The following SPAG6 variants were observed in gnomAD, a reference collection of about 807,000 sequenced individuals.
SPAG6 encodes sperm-associated antigen 6.
SPAG6 carries 49 observed loss-of-function variants against 58.5 expected under a neutral mutation model. The observed-to-expected ratio is 0.84, with a 90% CI of 0.67 to 1.06. The LOEUF is 1.06. Among genes scored for constraint, SPAG6 ranks in the 50% least tolerant of loss-of-function variants. SPAG6 has a pLI of 0.00. For synonymous variants in SPAG6, 233 were observed against 225.6 expected, an observed-to-expected ratio of 1.03 and a Z score of -0.29; for missense variants, 560 against 611.3, an observed-to-expected ratio of 0.92 and a Z score of 0.89.
chr10:22,386,827 T>C lies in SPAG6; in HGVS notation c.546T>C (p.Ala182=), dbSNP rs1327092057. The C allele has an allele frequency of 6.2e-7, 1 of 1,613,606 alleles. No individual in the cohort carries two copies. Among genetic ancestry groups the C allele is most frequent in the East Asian group, 2.2e-5 (1 of 44,894 alleles). ...LVLCIQEPEI[A]LKRIAASALS... is the part of the protein sequence containing the mutation. Reference sequence around the variant, plus strand: ...TCTGTATCCAGGAGCCAGAAATTGCTTTGAAAAGGATTGCTGCTTCGGCCC... The same window carrying C: ...TCTGTATCCAGGAGCCAGAAATTGCCTTGAAAAGGATTGCTGCTTCGGCCC... Residue 182 remains alanine (A), a synonymous_variant, in exon 5 of 11, where the codon GCT becomes GCC. Coordinates refer to ENST00000376624, the MANE Select transcript of SPAG6 (RefSeq NM_012443.4).
chr10:22,357,716 T>C (rs1836906769), intron 2 of SPAG6, among the ~76,000 whole-genome samples: 1 of 147,698 alleles, frequency 6.8e-6, no homozygotes, highest in African/African-American at 2.5e-5. Flanking sequence ...GTATATCTCC[T>C]AAAGCTATCC....
chr10:22,346,490 C>CTTCTTCTTCT (rs1554776496), intron 2 of SPAG6, among the ~76,000 whole-genome samples: 249 of 135,576 alleles, frequency 1.8e-3, no homozygotes, highest in African/African-American at 8.1e-3. Context: ...TCTTCTTCTT[C>CTTCTTCTTCT]TTCTTCTTTC....
At chr10:22,411,006 C>A in intron 9 of SPAG6, 25 bp from the exon 10 acceptor site, 1 of 1,596,000 alleles carries the variant, frequency 6.3e-7, no homozygotes, top group Non-Finnish European at 8.5e-7. Flanking sequence ...GAAAAGCTGA[C>A]ATTTTATGTG....
chr10:22,411,113 C>G lies in SPAG6; in HGVS notation c.1397C>G (p.Pro466Arg), dbSNP rs1359558002. The G allele has an allele frequency of 6.2e-7, 1 of 1,613,846 alleles. No individual in the cohort carries two copies. The highest frequency in any genetic ancestry group is 1.3e-5 in the African/African-American group (1 of 74,922). The stretch of plus-strand genomic sequence containing the variant: ...AAAGTTCAAGAGATAAAAGCAGAAC[C>G]TGGTTCTCTCCTTCAAGAATACATC... ...LKKVQEIKAE[P>R]GSLLQEYINS... Residue 466 changes from proline to arginine, a missense_variant, in exon 10 of 11, where the codon CCT (proline) becomes CGT (arginine). By Grantham distance (103) the Pro-to-Arg change is moderately radical. Coordinates refer to ENST00000376624, the MANE Select transcript of SPAG6 (RefSeq NM_012443.4).
intron 10 of SPAG6, 78 bp downstream of exon 10, chr10:22,411,254 G>T (rs183131879): frequency 2.5e-5 from 31 of 1,217,678 alleles, no homozygotes; most frequent in South Asian, 8.1e-5. Flanking sequence ...TATATCCACT[G>T]TGTCAAAATG....
At chr10:22,359,089 A>G (rs74490174) in intron 2 of SPAG6, among the ~76,000 whole-genome samples, 27 of 152,332 alleles carry the variant, frequency 1.8e-4, no homozygotes, top group African/African-American at 5.3e-4. Flanking sequence ...ATGGACAGTC[A>G]TGTAACCTTC....
chr10:22,387,025 C>A, intron 5 of SPAG6, 66 bp downstream of exon 5: 1 of 1,199,066 alleles, frequency 8.3e-7, no homozygotes, highest in Non-Finnish European at 1.2e-6. Context: ...GAAATGTGTA[C>A]ACGTGAATAT....
At chr10:22,357,980 C>A (rs1291668269) in intron 2 of SPAG6, among the ~76,000 whole-genome samples, 2 of 152,082 alleles carry the variant, frequency 1.3e-5, no homozygotes, top group South Asian at 2.1e-4. Flanking sequence ...AATCCAGTCT[C>A]TCATTGTTGG....
intron 4 of SPAG6, among the ~76,000 whole-genome samples, chr10:22,375,675 T>C (rs1833800739): frequency 1.4e-5 from 2 of 138,010 alleles, no homozygotes; most frequent in Admixed American, 1.5e-4. Flanking sequence ...CCCTCCCAGG[T>C]TCAAGCGATT....
intron 8 of SPAG6, among the ~76,000 whole-genome samples, chr10:22,398,544 T>C (rs1269982133): frequency 6.6e-6 from 1 of 152,104 alleles, no homozygotes; most frequent in African/African-American, 2.4e-5. Context: ...ATGGGCAACA[T>C]AGTGAGACCC....
chr10:22,346,480 T>TCTTCTTCTC (rs1836547337), intron 2 of SPAG6, among the ~76,000 whole-genome samples: 1 of 139,794 alleles, frequency 7.2e-6, no homozygotes, highest in Non-Finnish European at 1.5e-5. Flanking sequence ...TTCTTCTTCT[T>TCTTCTTCTC]CTTCTTCTTC....
At chr10:22,352,998 T>C (rs550731934) in intron 2 of SPAG6, among the ~76,000 whole-genome samples, 1 of 152,234 alleles carries the variant, frequency 6.6e-6, no homozygotes, top group African/African-American at 2.4e-5. Flanking sequence ...CCTACATTTC[T>C]GATAAAATAT....
intron 10 of SPAG6, chr10:22,412,523 G>A: frequency 1.4e-6 from 2 of 1,462,614 alleles, no homozygotes; most frequent in East Asian, 5.0e-5. Flanking sequence ...AGTTCCAATA[G>A]GTAAGCTTTG....
intron 8 of SPAG6, 31 bp from the exon 9 acceptor site, chr10:22,401,130 C>A: frequency 2.0e-6 from 2 of 978,918 alleles, no homozygotes; most frequent in African/African-American, 1.6e-5. Context: ...TGATTACTTA[C>A]TTATGTATAC....
chr10:22,379,865 C>A lies in SPAG6; in HGVS notation c.473-6889C>A, dbSNP rs898009284. ...GGCTGAGTACAGTGGCATGATCACA[C>A]CTCACTGTAGCCTTGACCTCCTGGG... On this transcript the variant is annotated intron_variant, in intron 4 of 10. Transcript: ENST00000376624. Among the ~76,000 whole-genome samples, 3 of 152,192 alleles carry A rather than the reference C, an allele frequency of 2.0e-5. No homozygotes were observed. The East Asian group carries it at 5.8e-4, about 29-fold the overall frequency.
intron 8 of SPAG6, among the ~76,000 whole-genome samples, chr10:22,392,504 A>G (rs1343059869): frequency 2.6e-5 from 4 of 152,104 alleles, no homozygotes; most frequent in African/African-American, 7.2e-5. Context: ...TTCACAAAAC[A>G]TGAATATGAA....
intron 2 of SPAG6, among the ~76,000 whole-genome samples, chr10:22,352,204 CGTGTATGTGTGTGTGTGT>C (rs1301039315): frequency 1.7e-4 from 26 of 148,984 alleles, no homozygotes; most frequent in East Asian, 3.9e-4. Context: ...TGTGTGTGTG[CGTGTATGTGTGTGTGTGT>C]GTGTCTGAAT....
chr10:22,363,315 G>A (rs1837094798), intron 2 of SPAG6, among the ~76,000 whole-genome samples: 1 of 152,102 alleles, frequency 6.6e-6, no homozygotes, highest in Non-Finnish European at 1.5e-5. Flanking sequence ...CTTGTTCTGT[G>A]CTTTAAACTT....
chr10:22,381,323 C>T (rs1239859150), intron 4 of SPAG6, among the ~76,000 whole-genome samples: 1 of 148,976 alleles, frequency 6.7e-6, no homozygotes. Context: ...TTGTCTCACA[C>T]AGTGTTCTTA....
Sources: gnomAD v4.1 joint callset for allele counts (sites outside exome capture counted in the v4.1 genomes callset) on GRCh38, gnomAD v4.1.1 for gene constraint, MANE v1.5 for transcripts, NCBI Gene and HGNC (gene_info 2026-07-23, HGNC 2026-07-21) for gene names.